DCC: variants seen among roughly 807,000 people sequenced by gnomAD.
DCC encodes netrin receptor DCC.
A neutral mutation model predicts 172.5 loss-of-function variants in DCC; 58 were observed. That is an observed-to-expected ratio of 0.34 (90% CI 0.27 to 0.42). The LOEUF (loss-of-function observed/expected upper bound fraction) is 0.42. Among genes scored for constraint, DCC ranks in the 10% least tolerant of loss-of-function variants. The pLI is 1.00. For synonymous variants in DCC, 709 were observed against 644.5 expected (o/e 1.10, Z -1.52); for missense variants, 1,740 against 1,791.0 (o/e 0.97, Z 0.51).
intron 15 of DCC, among the ~76,000 whole-genome samples, chr18:53,354,260 T>A (rs904863371): frequency 1.1e-4 from 16 of 152,202 alleles, no homozygotes; most frequent in African/African-American, 3.6e-4. Flanking sequence ...TGCTTTATAA[T>A]CCTTTGGGTA....
At position 53,425,518 on chromosome 18, in the gene DCC, T is replaced by A. The variant is rs141888528; in HGVS notation, c.3163+9362T>A. 9.9e-5 allele frequency among the ~76,000 whole-genome samples: 15 copies of A among 151,836 alleles called. No homozygotes were observed. The South Asian group carries it at 1.7e-3, about 17-fold the overall frequency. On this transcript the variant is annotated intron_variant, in intron 21 of 28. Coordinates refer to ENST00000442544, the MANE Select transcript of DCC (RefSeq NM_005215.4). ...GGGATTACAGTCCCCTGCCCCACTA[T>A]GCCCGGCTAAATCTTGTATTTTTAG... is the stretch of plus-strand genomic sequence containing the variant.
At chr18:53,435,349 A>ACG in intron 22 of DCC, 140 bp downstream of exon 22, 1 of 627,774 alleles carries the variant, frequency 1.6e-6, no homozygotes, top group Admixed American at 2.5e-5. Context: ...TAGAAACATG[A>ACG]AGTTATTAAA....
intron 2 of DCC, chr18:52,758,732 A>T (rs957759558): frequency 6.6e-6 from 1 of 152,076 alleles, no homozygotes; most frequent in African/African-American, 2.4e-5. Flanking sequence ...CAGGTCACTC[A>T]AATGTTATAT....
chr18:52,340,966 G>T (rs1242082094), intron 1 of DCC, 88 bp downstream of exon 1: 6 of 1,042,236 alleles, frequency 5.8e-6, no homozygotes, highest in Non-Finnish European at 9.1e-6. Flanking sequence ...TAGAATTGGG[G>T]TGGGGGATAG....
At chr18:52,356,907 C>A (rs112615872) in intron 1 of DCC, among the ~76,000 whole-genome samples, 3 of 152,024 alleles carry the variant, frequency 2.0e-5, no homozygotes, top group African/African-American at 7.2e-5. Context: ...CTCAGCCTCC[C>A]GAGTAGCTGG....
At chr18:52,690,143 G>A (rs2035908923) in intron 1 of DCC, among the ~76,000 whole-genome samples, 1 of 152,140 alleles carries the variant, frequency 6.6e-6, no homozygotes, top group Non-Finnish European at 1.5e-5. Flanking sequence ...GGGCTAAGCT[G>A]TATTTAGATC....
At chr18:52,965,086 C>T (rs2040907939) in intron 5 of DCC, 1 of 152,150 alleles carries the variant, frequency 6.6e-6, no homozygotes, top group Non-Finnish European at 1.5e-5. Flanking sequence ...CTACTCATCT[C>T]AAGATCCTTA....
chr18:53,304,380 G>A (rs1289150427), intron 12 of DCC, among the ~76,000 whole-genome samples: 1 of 151,880 alleles, frequency 6.6e-6, no homozygotes, highest in African/African-American at 2.4e-5. Context: ...TTTCTCTAGG[G>A]CAAAGATAAT....
intron 1 of DCC, among the ~76,000 whole-genome samples, chr18:52,565,438 C>G (rs1400517834): frequency 6.6e-6 from 1 of 152,170 alleles, no homozygotes; most frequent in African/African-American, 2.4e-5. Flanking sequence ...AATGGTTGAA[C>G]TAATTTACAC....
intron 7 of DCC, among the ~76,000 whole-genome samples, chr18:53,098,035 T>A (rs1361066853): frequency 6.6e-6 from 1 of 152,132 alleles, no homozygotes; most frequent in East Asian, 1.9e-4. Context: ...TCAGATTACA[T>A]CAGTACCCTA....
intron 4 of DCC, among the ~76,000 whole-genome samples, chr18:52,924,350 A>G (rs1165650352): frequency 6.6e-6 from 1 of 152,110 alleles, no homozygotes; most frequent in Admixed American, 6.6e-5. Context: ...AATAAAGCTA[A>G]GGGGAAAAAT....
chr18:52,898,889 C>CT (rs1445155241), intron 2 of DCC, among the ~76,000 whole-genome samples: 1 of 152,126 alleles, frequency 6.6e-6, no homozygotes, highest in Admixed American at 6.5e-5. Flanking sequence ...GGGTGAGGGG[C>CT]TGGCCCTGAG....
chr18:52,825,720 T>C (rs1417173773), intron 2 of DCC, among the ~76,000 whole-genome samples: 6 of 152,164 alleles, frequency 3.9e-5, no homozygotes, highest in Non-Finnish European at 8.8e-5. Context: ...TAAAGAACAT[T>C]ATGAACAAGC....
In DCC at chr18:52,906,054, G is replaced by T. The variant is rs1271631002; in HGVS notation, c.423G>T (p.Arg141Ser). The change falls in exon 3 of 29, where the codon AGG (arginine) becomes AGT (serine). Residue 141 changes from arginine (R) to serine (S), a missense_variant. By Grantham distance (110) the Arg-to-Ser change is moderately radical. Transcript: ENST00000442544. ...TTGTTTTTCTCCTAGGACCACTGAG[G>T]TTCCTTTCACAGACAGAATCTGTCA... The part of the protein sequence containing the change: ...TAKVAVAGPL[R>S]FLSQTESVTA... 1 of 1,609,054 alleles carries T rather than the reference G, an allele frequency of 6.2e-7. No individual in the cohort carries two copies. Among genetic ancestry groups the T allele is most frequent in the African/African-American group, 1.3e-5 (1 of 74,942 alleles).
intron 2 of DCC, among the ~76,000 whole-genome samples, chr18:52,809,895 C>T (rs1338834291): frequency 6.6e-6 from 1 of 152,002 alleles, no homozygotes; most frequent in Admixed American, 6.5e-5. Context: ...CTGCTTTTAG[C>T]CTAATTTGTA....
chr18:52,875,705 T>C (rs2039393347), intron 2 of DCC, among the ~76,000 whole-genome samples: 1 of 152,216 alleles, frequency 6.6e-6, no homozygotes, highest in African/African-American at 2.4e-5. Context: ...GGCTTCTGTA[T>C]TTTGCAGGCT....
intron 2 of DCC, among the ~76,000 whole-genome samples, chr18:52,802,580 G>C (rs1368028185): frequency 1.4e-5 from 2 of 142,586 alleles, no homozygotes; most frequent in African/African-American, 2.6e-5. Context: ...CTGAGCTCAA[G>C]TGGTCCTCCT....
chr18:53,429,051 A>T (rs1249403690), intron 21 of DCC, among the ~76,000 whole-genome samples: 1 of 50,424 alleles, frequency 2.0e-5, no homozygotes. Context: ...TATATATAAT[A>T]TATTATATAT....
At chr18:53,144,810 A>C (rs749319072) in intron 7 of DCC, among the ~76,000 whole-genome samples, 96 of 152,114 alleles carry the variant, frequency 6.3e-4, no homozygotes, top group Non-Finnish European at 1.1e-3. Flanking sequence ...TATGGGCATT[A>C]TCCACTGTAT....
Sources: allele counts gnomAD v4.1 joint callset (sites outside exome capture counted in the v4.1 genomes callset), GRCh38; gene constraint gnomAD v4.1.1; transcripts MANE v1.5; gene names NCBI Gene and HGNC (gene_info 2026-07-23, HGNC 2026-07-21).